Variants in WDR44 observed in about 807,000 individuals in gnomAD.
WDR44 encodes the protein WD repeat domain 44, also known as WD repeat-containing protein 44.
Under a neutral mutation model 65.7 loss-of-function variants are expected in WDR44, and 9 were observed. The ratio of observed to expected loss-of-function variants is 0.14; its 90% CI spans 0.08 to 0.24. The LOEUF (loss-of-function observed/expected upper bound fraction) is 0.24. Among genes scored for constraint, WDR44 ranks in the 10% least tolerant of loss-of-function variants. The pLI is 1.00. For missense variants in WDR44, 425 were observed against 670.9 expected (o/e 0.63, Z 4.05); for synonymous variants, 220 against 235.2 (o/e 0.94, Z 0.59).
chrX:118,379,112 C>A (rs1249738402), intron 2 of WDR44, among the ~76,000 whole-genome samples: 2 of 110,103 alleles, frequency 1.8e-5, no homozygotes, highest in Non-Finnish European at 3.8e-5. Context: ...ATGTATACTT[C>A]TTGTGGGCCC....
At chrX:118,371,729 G>GA (rs1399347874) in intron 1 of WDR44, among the ~76,000 whole-genome samples, 111 of 110,982 alleles carry the variant, frequency 1.0e-3, no homozygotes, top group Non-Finnish European at 1.7e-3. Context: ...GCTTTGGAAA[G>GA]AAAAAATGAA....
chrX:118,440,922 T>G (rs5956998), intron 14 of WDR44, among the ~76,000 whole-genome samples: 27,395 of 104,533 alleles, frequency 0.26, 3,105 homozygotes, highest in African/African-American at 0.39. Context: ...AATGCTTGCT[T>G]AAAGAATAAA....
intron 2 of WDR44, among the ~76,000 whole-genome samples, chrX:118,383,646 T>A (rs1034372348): frequency 3.6e-5 from 4 of 109,664 alleles, no homozygotes; most frequent in East Asian, 5.7e-4. Flanking sequence ...TTATTTATTT[T>A]TTTCTTTTTT....
In WDR44 at chrX:118,442,600, A is replaced by G. The variant is rs1277923353; in HGVS notation, c.2304A>G (p.Leu768=). 2 of 1,210,814 alleles carry G rather than the reference A, an allele frequency of 1.7e-6. No individual in the cohort carries two copies. The highest frequency in any genetic ancestry group is 3.0e-5 in the East Asian group (1 of 33,831). The part of the protein sequence containing the change: ...LVTSNDSRIR[L]YDLRDLSLSM... The stretch of plus-strand genomic sequence containing the variant: ...CCTCAAATGACTCCAGAATCAGACT[A>G]TATGATTTGAGAGATTTGTCACTAT... Residue 768 remains leucine, a synonymous_variant, in exon 17 of 20, where the codon CTA becomes CTG. Transcript: ENST00000254029.
At chrX:118,402,012 G>GT (rs2056921019) in intron 8 of WDR44, among the ~76,000 whole-genome samples, 1 of 102,754 alleles carries the variant, frequency 9.7e-6, no homozygotes, top group East Asian at 3.1e-4. Context: ...TGTTTTTTTT[G>GT]TTTTTTTGGT....
chrX:118,397,964 C>G (rs1354488421), intron 7 of WDR44, among the ~76,000 whole-genome samples: 1 of 112,185 alleles, frequency 8.9e-6, no homozygotes, highest in African/African-American at 3.2e-5. Context: ...GGGCCGAGCA[C>G]AGTGGCTCAC....
chrX:118,435,028 A>G (rs768261418), intron 13 of WDR44, among the ~76,000 whole-genome samples: 8 of 111,887 alleles, frequency 7.2e-5, no homozygotes, highest in Non-Finnish European at 1.5e-4. Flanking sequence ...AATCTAATTT[A>G]TCTGACTTCT....
chrX:118,352,352 A>ATT (rs556374639), intron 1 of WDR44, among the ~76,000 whole-genome samples: 10 of 14,222 alleles, frequency 7.0e-4, no homozygotes, highest in Non-Finnish European at 8.2e-4. Flanking sequence ...ATATATATAT[A>ATT]TTTTTTTTTT....
At chrX:118,394,332 A>G (rs780114950) in intron 5 of WDR44, 147 bp downstream of exon 5, 11 of 804,100 alleles carry the variant, frequency 1.4e-5, no homozygotes, top group Admixed American at 7.3e-5. Context: ...CAGCTCTGCT[A>G]CATGCTAACT....
chrX:118,417,305 C>T (rs2057065760), intron 12 of WDR44, among the ~76,000 whole-genome samples: 1 of 111,538 alleles, frequency 9.0e-6, no homozygotes, highest in African/African-American at 3.3e-5. Flanking sequence ...TAAAGAAGTT[C>T]TGTTTTAATG....
intron 8 of WDR44, among the ~76,000 whole-genome samples, chrX:118,402,670 C>T (rs1417679940): frequency 9.0e-6 from 1 of 110,547 alleles, no homozygotes; most frequent in African/African-American, 3.3e-5. Flanking sequence ...GTCTATTGAT[C>T]CTGGGATGTC....
chrX:118,366,835 C>T (rs1033419485), intron 1 of WDR44, among the ~76,000 whole-genome samples: 3 of 112,065 alleles, frequency 2.7e-5, no homozygotes, highest in Non-Finnish European at 5.6e-5. Flanking sequence ...CAGTGGCTCA[C>T]GCCTGTAATC....
chrX:118,379,691 C>G (rs1182496479), intron 2 of WDR44, among the ~76,000 whole-genome samples: 2 of 111,521 alleles, frequency 1.8e-5, no homozygotes, highest in Non-Finnish European at 3.8e-5. Flanking sequence ...GAGAAGGATA[C>G]ACAAGAGACT....
chrX:118,368,713 T>TG (rs1491277918), intron 1 of WDR44, among the ~76,000 whole-genome samples: 18 of 33,830 alleles, frequency 5.3e-4, no homozygotes, highest in African/African-American at 9.6e-4. Flanking sequence ...ATACTCTTCC[T>TG]TTTTTTTTTT....
intron 14 of WDR44, among the ~76,000 whole-genome samples, chrX:118,438,900 C>T (rs1172239769): frequency 9.6e-6 from 1 of 103,953 alleles, no homozygotes. Context: ...GCAGTTCTGC[C>T]TCAGCCTCCC....
intron 10 of WDR44, among the ~76,000 whole-genome samples, chrX:118,408,311 T>C (rs2056984690): frequency 8.9e-6 from 1 of 111,772 alleles, no homozygotes; most frequent in Non-Finnish European, 1.9e-5. Context: ...TTGTTCTCAG[T>C]ATCTAGAGAT....
At chrX:118,350,825 A>C (rs1569353787) in intron 1 of WDR44, among the ~76,000 whole-genome samples, 1 of 111,599 alleles carries the variant, frequency 9.0e-6, no homozygotes, top group African/African-American at 3.3e-5. Flanking sequence ...TAACATTTTT[A>C]GAGTAGGAAG....
chrX:118,421,258 C>T (rs908388734), intron 12 of WDR44, among the ~76,000 whole-genome samples: 3 of 112,002 alleles, frequency 2.7e-5, no homozygotes, highest in Middle Eastern at 4.7e-3. Flanking sequence ...TCTTTTATTG[C>T]GCTTATTTCA....
At chrX:118,448,288 ATTTT>A (rs916253778) in intron 19 of WDR44, among the ~76,000 whole-genome samples, 4 of 111,742 alleles carry the variant, frequency 3.6e-5, no homozygotes, top group African/African-American at 1.3e-4. Context: ...TTAACACTGA[ATTTT>A]TTTATTAAGT....
Sources: allele counts gnomAD v4.1 joint callset (sites outside exome capture counted in the v4.1 genomes callset), GRCh38; gene constraint gnomAD v4.1.1; transcripts MANE v1.5; gene names NCBI Gene and HGNC (gene_info 2026-07-23, HGNC 2026-07-21).